Variants in AKR1B10 observed in about 807,000 individuals in gnomAD.
AKR1B10 encodes the protein ARP.
A neutral mutation model predicts 38.9 loss-of-function variants in AKR1B10; 39 were observed. The observed-to-expected ratio is 1.00, with a 90% CI of 0.78 to 1.31. The LOEUF (loss-of-function observed/expected upper bound fraction) is 1.31. Ranked by LOEUF, AKR1B10 falls within the 50% of genes most tolerant of loss-of-function variation. The pLI is 0.00. For missense variants in AKR1B10, 361 were observed against 382.6 expected (o/e 0.94, Z 0.47); for synonymous variants, 148 against 141.2 (o/e 1.05, Z -0.34).
At chr7:134,538,768 G>A (rs1808077257) in intron 8 of AKR1B10, among the ~76,000 whole-genome samples, 167 bp from the exon 9 acceptor site, 1 of 152,218 alleles carries the variant, frequency 6.6e-6, no homozygotes, top group Admixed American at 6.5e-5. Flanking sequence ...TCTTTGTGTA[G>A]GACCTAATTT....
intron 4 of AKR1B10, among the ~76,000 whole-genome samples, chr7:134,534,627 T>C (rs1330466913): frequency 6.6e-6 from 1 of 152,178 alleles, no homozygotes. Context: ...GGCTTGAATA[T>C]GTAAGCGTTG....
At chr7:134,534,269 A>G (rs1048461373) in intron 4 of AKR1B10, among the ~76,000 whole-genome samples, 4 of 152,064 alleles carry the variant, frequency 2.6e-5, no homozygotes, top group Non-Finnish European at 4.4e-5. Context: ...CTAGAGGTGC[A>G]TGCCACCACG....
chr7:134,530,416 C>A (rs1463007554), intron 1 of AKR1B10, among the ~76,000 whole-genome samples: 1 of 152,104 alleles, frequency 6.6e-6, no homozygotes, highest in African/African-American at 2.4e-5. Flanking sequence ...GCAAAGGAGA[C>A]CCCAGTGAGG....
At chr7:134,536,597 G>A (rs1346855029) in intron 4 of AKR1B10, 53 bp from the exon 5 acceptor site, 2 of 1,585,974 alleles carry the variant, frequency 1.3e-6, no homozygotes, top group East Asian at 2.2e-5. Context: ...AGGCAAGCCA[G>A]GGTCCCTGTA....
chr7:134,540,233 G>T (rs1808114011), intron 9 of AKR1B10, among the ~76,000 whole-genome samples: 1 of 151,992 alleles, frequency 6.6e-6, no homozygotes, highest in Admixed American at 6.5e-5. Flanking sequence ...AAAAAAAAAG[G>T]TTTCAGTATC....
At chr7:134,529,260 T>C (rs964736528) in intron 1 of AKR1B10, among the ~76,000 whole-genome samples, 2 of 152,188 alleles carry the variant, frequency 1.3e-5, no homozygotes, top group Non-Finnish European at 2.9e-5. Flanking sequence ...GATACATTCT[T>C]GGTGTATCTG....
At position 134,532,998 on chromosome 7, in the gene AKR1B10, TCA is replaced by T; in HGVS notation, c.352-3_352-2del. On this transcript the variant is annotated splice_polypyrimidine_tract_variant and splice_region_variant and intron_variant, in intron 3 of 9. Transcript: ENST00000359579. Reference sequence around the variant, plus strand: ...TTCCAGTAAACTTTTCATTCTGTGTTCACAGTCTGGGGATGACCTTTTCCCCA... The same window carrying T: ...TTCCAGTAAACTTTTCATTCTGTGTTCAGTCTGGGGATGACCTTTTCCCCA... 1 of 1,599,668 alleles carries T rather than the reference TCA, an allele frequency of 6.3e-7. No homozygotes were observed.
At chr7:134,529,509 G>C (rs1807790595) in intron 1 of AKR1B10, among the ~76,000 whole-genome samples, 1 of 152,184 alleles carries the variant, frequency 6.6e-6, no homozygotes, top group Admixed American at 6.5e-5. Context: ...AAAGGATTAT[G>C]AACTTAGCAG....
Position 134,541,373 on chromosome 7 carries a change from G to T in AKR1B10, c.*284G>T. 3.0e-6 allele frequency: 1 copy of T among 337,598 alleles called. No individual in the cohort carries two copies. Among genetic ancestry groups the T allele is most frequent in the South Asian group, 3.9e-5 (1 of 25,576 alleles). The allele number at this position is 337,598 out of a possible 1,614,324, so 20.9% of individuals were successfully genotyped here. On this transcript the variant is annotated 3_prime_UTR_variant, in exon 10 of 10. Transcript: ENST00000359579. ...GCATCAGAAACTCTGCCAACACTGA[G>T]GATGTAAAGATCAATAAAAAAAATA...
intron 8 of AKR1B10, among the ~76,000 whole-genome samples, chr7:134,538,560 C>T (rs1178157451): frequency 2.0e-5 from 3 of 152,166 alleles, no homozygotes; most frequent in Non-Finnish European, 4.4e-5. Context: ...AGCAGCTAGG[C>T]CCTGGGCCAC....
chr7:134,528,464 C>T (rs536975289), intron 1 of AKR1B10, among the ~76,000 whole-genome samples: 3 of 152,182 alleles, frequency 2.0e-5, no homozygotes, highest in African/African-American at 7.2e-5. Flanking sequence ...TGGCTTATCC[C>T]TGTAATCCCA....
intron 1 of AKR1B10, among the ~76,000 whole-genome samples, chr7:134,530,276 C>T (rs1323868047): frequency 1.3e-5 from 2 of 152,212 alleles, no homozygotes; most frequent in Admixed American, 1.3e-4. Context: ...CATTTCAGGA[C>T]TAACCTGGAT....
chr7:134,531,530 A>G (rs913589649), intron 2 of AKR1B10, among the ~76,000 whole-genome samples: 3 of 152,176 alleles, frequency 2.0e-5, no homozygotes, highest in Admixed American at 6.5e-5. Flanking sequence ...ATAAAGGACC[A>G]TCTGCTCCCA....
chr7:134,529,736 T>C (rs1473716508), intron 1 of AKR1B10, among the ~76,000 whole-genome samples: 5 of 152,220 alleles, frequency 3.3e-5, no homozygotes, highest in African/African-American at 1.2e-4. Flanking sequence ...TTGGCTTGGC[T>C]AGGTTAGAAC....
chr7:134,534,964 G>C (rs1213591108), intron 4 of AKR1B10, among the ~76,000 whole-genome samples: 1 of 152,062 alleles, frequency 6.6e-6, no homozygotes, highest in Non-Finnish European at 1.5e-5. Flanking sequence ...AAGAAACTCT[G>C]GGGGGTGAAA....
intron 1 of AKR1B10, 144 bp downstream of exon 1, chr7:134,528,121 T>C: frequency 2.7e-6 from 3 of 1,118,942 alleles, no homozygotes; most frequent in South Asian, 1.6e-5. Flanking sequence ...CTTAGGTTGC[T>C]TTCTTTTCTC....
chr7:134,536,069 G>A (rs545768220), intron 4 of AKR1B10, among the ~76,000 whole-genome samples: 54 of 152,316 alleles, frequency 3.5e-4, no homozygotes, highest in African/African-American at 1.1e-3. Flanking sequence ...CTCCATGGCC[G>A]GGTGCCCCTA....
At chr7:134,529,022 C>A (rs1031436936) in intron 1 of AKR1B10, among the ~76,000 whole-genome samples, 3 of 152,172 alleles carry the variant, frequency 2.0e-5, no homozygotes, top group African/African-American at 7.2e-5. Flanking sequence ...GTTGTTCCAT[C>A]ACCACCTCCC....
In AKR1B10 at chr7:134,527,700, G is replaced by T. The variant is rs1807717682; in HGVS notation, c.-212G>T. 2.4e-6 allele frequency: 1 copy of T among 423,098 alleles called. No homozygotes were observed. The highest frequency in any genetic ancestry group is 3.6e-5 in the South Asian group (1 of 28,058). The allele number at this position is 423,098 out of a possible 1,614,324, so 26.2% of individuals were successfully genotyped here. ...GTCTCTACTAACAATATAAAAATTA[G>T]CTGGGAGTCACGGTGGGCGCCTGTA... On this transcript the variant is annotated 5_prime_UTR_variant, in exon 1 of 10. Coordinates refer to ENST00000359579, the MANE Select transcript of AKR1B10 (RefSeq NM_020299.5).
Sources: gnomAD v4.1 joint callset for allele counts (sites outside exome capture counted in the v4.1 genomes callset) on GRCh38, gnomAD v4.1.1 for gene constraint, MANE v1.5 for transcripts, NCBI Gene and HGNC (gene_info 2026-07-23, HGNC 2026-07-21) for gene names.